Variants in CLSTN1 observed in about 807,000 individuals in gnomAD.
CLSTN1 encodes calsyntenin 1.
A neutral mutation model predicts 108.3 loss-of-function variants in CLSTN1; 28 were observed. The observed-to-expected ratio is 0.26, with a 90% CI of 0.19 to 0.35. The LOEUF is 0.35. Among genes scored for constraint, CLSTN1 ranks in the 10% least tolerant of loss-of-function variants. The pLI is 1.00. For synonymous variants in CLSTN1, 524 were observed against 534.9 expected (o/e 0.98, Z 0.28); for missense variants, 1,157 against 1,302.6 (o/e 0.89, Z 1.72).
At chr1:9,741,393 G>A in intron 9 of CLSTN1, 137 bp from the exon 10 acceptor site, 1 of 802,146 alleles carries the variant, frequency 1.2e-6, no homozygotes, top group Non-Finnish European at 2.0e-6. Flanking sequence ...CAAAATATCT[G>A]CAAATACATC....
At chr1:9,820,410 T>C (rs993956122) in intron 1 of CLSTN1, among the ~76,000 whole-genome samples, 1 of 151,966 alleles carries the variant, frequency 6.6e-6, no homozygotes, top group African/African-American at 2.4e-5. Flanking sequence ...TCCCAGCTAC[T>C]GGTGAGGCTG....
rs1028668447 is a variant in CLSTN1, at chr1:9,729,125, A to C, written c.*1383T>G. 6.6e-6 allele frequency: 1 copy of C among 152,220 alleles called. No individual in the cohort carries two copies. The highest frequency in any genetic ancestry group is 1.5e-5 in the Non-Finnish European group (1 of 68,050). 9.4% of individuals were successfully genotyped at this position (152,220 alleles called of 1,614,324 possible). A position where few individuals can be genotyped will look rare whatever the true frequency, so the allele number is the denominator to read the frequency against. Reference sequence around the variant, plus strand: ...AACCGCGCGGCGACAGCGTGAGGACATCCCCTGGGCGTGAGCGTCTGTCCG... The same window carrying C: ...AACCGCGCGGCGACAGCGTGAGGACCTCCCCTGGGCGTGAGCGTCTGTCCG... On this transcript the variant is annotated 3_prime_UTR_variant, in exon 19 of 19. Transcript: ENST00000377298.
At chr1:9,792,956 T>C (rs1044861944) in intron 1 of CLSTN1, among the ~76,000 whole-genome samples, 2 of 151,272 alleles carry the variant, frequency 1.3e-5, no homozygotes, top group Non-Finnish European at 2.9e-5. Context: ...ATTCCAACAT[T>C]TATCTCTAGA....
intron 1 of CLSTN1, among the ~76,000 whole-genome samples, chr1:9,799,829 T>C (rs1373512307): frequency 6.6e-6 from 1 of 151,646 alleles, no homozygotes; most frequent in African/African-American, 2.4e-5. Context: ...TAGTCCTAGC[T>C]GCTTGGGAGG....
intron 2 of CLSTN1, among the ~76,000 whole-genome samples, chr1:9,765,736 C>T (rs574497958): frequency 2.6e-5 from 4 of 151,892 alleles, no homozygotes; most frequent in Non-Finnish European, 4.4e-5. Context: ...AAAAATTAGC[C>T]GGGCGTGGTG....
chr1:9,755,055 G>A (rs1252093379), intron 4 of CLSTN1, 59 bp downstream of exon 4: 6 of 1,468,858 alleles, frequency 4.1e-6, no homozygotes, highest in East Asian at 2.3e-5. Flanking sequence ...TACTATTTTC[G>A]TTCTGCGCAC....
At chr1:9,739,952 G>A (rs1161481990) in intron 10 of CLSTN1, among the ~76,000 whole-genome samples, 1 of 151,938 alleles carries the variant, frequency 6.6e-6, no homozygotes, top group Non-Finnish European at 1.5e-5. Context: ...GAGTAGCTGG[G>A]ACCACAGGCA....
At chr1:9,789,523 T>C (rs993513539) in intron 1 of CLSTN1, among the ~76,000 whole-genome samples, 1 of 151,452 alleles carries the variant, frequency 6.6e-6, no homozygotes, top group Non-Finnish European at 1.5e-5. Flanking sequence ...GCAGAATGAA[T>C]CTTGTTTGAC....
chr1:9,741,332 A>C, intron 9 of CLSTN1, 76 bp from the exon 10 acceptor site: 1 of 1,412,896 alleles, frequency 7.1e-7, no homozygotes, highest in Non-Finnish European at 9.8e-7. Flanking sequence ...AAACCAAGTC[A>C]CCCAACACAA....
chr1:9,811,731 CA>C (rs34337087), intron 1 of CLSTN1, among the ~76,000 whole-genome samples: 14,449 of 78,704 alleles, frequency 0.18, 1,787 homozygotes, highest in African/African-American at 0.39. Flanking sequence ...AAATGCATGG[CA>C]AAAAAAAAAA....
At chr1:9,749,061 C>A (rs1651420656) in intron 7 of CLSTN1, among the ~76,000 whole-genome samples, 1 of 151,848 alleles carries the variant, frequency 6.6e-6, no homozygotes. Context: ...ATGCCACCAT[C>A]CCCAGTTAAT....
At chr1:9,810,970 A>G (rs1349569330) in intron 1 of CLSTN1, among the ~76,000 whole-genome samples, 1 of 152,172 alleles carries the variant, frequency 6.6e-6, no homozygotes, top group African/African-American at 2.4e-5. Context: ...GAAAAATGCA[A>G]TCAACACAAT....
intron 1 of CLSTN1, among the ~76,000 whole-genome samples, chr1:9,787,713 A>G (rs917395082): frequency 6.6e-6 from 1 of 151,292 alleles, no homozygotes; most frequent in African/African-American, 2.4e-5. Flanking sequence ...CCAAATTCCA[A>G]ACAAGTTTTT....
Position 9,745,772 on chromosome 1 carries a change from T to G in CLSTN1, c.986-1129A>C, listed in dbSNP as rs1024098389. 3.5e-5 allele frequency among the ~76,000 whole-genome samples: 5 copies of G among 144,636 alleles called. No homozygotes were observed. In the South Asian group the frequency reaches 7.0e-4, roughly 20 times the overall value. 94.9% of individuals were successfully genotyped at this position (144,636 alleles called of 152,430 possible). On this transcript the variant is annotated intron_variant, in intron 7 of 18. Transcript: ENST00000377298. ...TAAACTATCTGAATAGTTGTTTTTTTTTTTTTTTTTTTTTTGAGACAGGGT... is the reference window on the plus strand; with the variant it reads ...TAAACTATCTGAATAGTTGTTTTTTGTTTTTTTTTTTTTTTGAGACAGGGT...
intron 16 of CLSTN1, 150 bp downstream of exon 16, chr1:9,733,251 C>G: frequency 1.1e-6 from 1 of 903,794 alleles, no homozygotes; most frequent in Non-Finnish European, 1.7e-6. Flanking sequence ...TGCAGCAGGC[C>G]CCAGGCTGGA....
At position 9,749,631 on chromosome 1, in the gene CLSTN1, A is replaced by C; in HGVS notation, c.815T>G (p.Ile272Ser). 1.2e-6 allele frequency: 2 copies of C among 1,613,948 alleles called. No homozygotes were observed. The highest frequency in any genetic ancestry group is 1.7e-6 in the Non-Finnish European group (2 of 1,179,926). ...TPGWQGWNNR[I>S]EYEPGTGALA... ...CGCGCCGGTGCCCGGCTCATACTCAATCCTGTTGTTCCATCCTGTGTTGGT... is the reference window on the plus strand; with the variant it reads ...CGCGCCGGTGCCCGGCTCATACTCACTCCTGTTGTTCCATCCTGTGTTGGT... Residue 272 changes from isoleucine to serine, a missense_variant, in exon 7 of 19, where the codon ATT (isoleucine) becomes AGT (serine). Physicochemically the swap from Ile to Ser is moderately radical, Grantham distance 142 (BLOSUM62 -2). Transcript: ENST00000377298.
intron 2 of CLSTN1, among the ~76,000 whole-genome samples, chr1:9,772,567 G>A (rs1450424727): frequency 2.0e-5 from 3 of 152,160 alleles, no homozygotes; most frequent in Non-Finnish European, 4.4e-5. Context: ...AAAAAAGGTG[G>A]CGCAGCCCAT....
chr1:9,793,719 G>A (rs1190943351), intron 1 of CLSTN1, among the ~76,000 whole-genome samples: 1 of 151,508 alleles, frequency 6.6e-6, no homozygotes, highest in Non-Finnish European at 1.5e-5. Flanking sequence ...AGATTAACTT[G>A]CAAGCAGCAC....
At chr1:9,750,230 T>A (rs1479043365) in intron 5 of CLSTN1, 1 of 199,792 alleles carries the variant, frequency 5.0e-6, no homozygotes, top group Middle Eastern at 2.0e-3. Context: ...TAATAATAAT[T>A]CAAGTACCTC....
Sources: allele counts gnomAD v4.1 joint callset (sites outside exome capture counted in the v4.1 genomes callset), GRCh38; gene constraint gnomAD v4.1.1; transcripts MANE v1.5; gene names NCBI Gene and HGNC (gene_info 2026-07-23, HGNC 2026-07-21).